Variants in ERBB4 observed in about 807,000 individuals in gnomAD.
ERBB4 encodes the protein erb-b2 receptor tyrosine kinase 4, also known as receptor tyrosine-protein kinase erbB-4.
A neutral mutation model predicts 158.0 loss-of-function variants in ERBB4; 42 were observed. The ratio of observed to expected loss-of-function variants is 0.27; its 90% CI spans 0.21 to 0.34. The LOEUF is 0.34. Ranked by LOEUF, ERBB4 falls within the 10% of genes least tolerant of loss-of-function variation. ERBB4 has a pLI of 1.00. For synonymous variants in ERBB4, 583 were observed against 558.7 expected, an observed-to-expected ratio of 1.04 and a Z score of -0.61; for missense variants, 1,333 against 1,624.1, an observed-to-expected ratio of 0.82 and a Z score of 3.08.
chr2:211,920,292 C>T (rs944539841), intron 3 of ERBB4, among the ~76,000 whole-genome samples: 3 of 151,936 alleles, frequency 2.0e-5, no homozygotes, highest in Admixed American at 6.6e-5. Flanking sequence ...TACAGGATTT[C>T]GCCTTTAATA....
intron 2 of ERBB4, among the ~76,000 whole-genome samples, chr2:212,108,904 T>C (rs748553378): frequency 7.9e-5 from 12 of 152,072 alleles, no homozygotes; most frequent in Non-Finnish European, 1.6e-4. Context: ...TGAGTATCTA[T>C]GGTGGTAGGA....
intron 3 of ERBB4, among the ~76,000 whole-genome samples, chr2:211,835,816 A>T (rs572585163): frequency 1.3e-5 from 2 of 152,200 alleles, no homozygotes; most frequent in African/African-American, 4.8e-5. Context: ...ACAAGCAAAT[A>T]TTGATACAAG....
chr2:212,256,673 A>G (rs1401912828), intron 1 of ERBB4, among the ~76,000 whole-genome samples: 2 of 152,186 alleles, frequency 1.3e-5, no homozygotes, highest in Non-Finnish European at 2.9e-5. Context: ...AAACAAACAC[A>G]GAGGATAAGT....
intron 20 of ERBB4, among the ~76,000 whole-genome samples, chr2:211,515,023 C>T (rs1032780206): frequency 6.6e-6 from 1 of 152,106 alleles, no homozygotes; most frequent in Non-Finnish European, 1.5e-5. Context: ...TGATTACTGG[C>T]TGGTGAGGAG....
At chr2:212,223,087 T>A (rs1254071383) in intron 1 of ERBB4, among the ~76,000 whole-genome samples, 2 of 151,522 alleles carry the variant, frequency 1.3e-5, no homozygotes, top group African/African-American at 4.8e-5. Flanking sequence ...ATTTGGGGCA[T>A]GCATATAAAA....
chr2:211,931,116 C>T (rs774270482), intron 3 of ERBB4, among the ~76,000 whole-genome samples: 8 of 152,204 alleles, frequency 5.3e-5, no homozygotes, highest in African/African-American at 9.6e-5. Context: ...TTGGCTTAAA[C>T]GCAATATTTA....
chr2:212,323,686 GCTT>G (rs2087676738), intron 1 of ERBB4, among the ~76,000 whole-genome samples: 1 of 150,568 alleles, frequency 6.6e-6, no homozygotes, highest in Non-Finnish European at 1.5e-5. Flanking sequence ...GTATAAAAGT[GCTT>G]CAAGAGATTA....
At position 211,376,579 on chromosome 2, in the gene ERBB4, A is replaced by G. The variant is rs2125291291; in HGVS notation, c.*7036T>C. The G allele has an allele frequency of 4.3e-6, 1 of 232,840 alleles. No homozygotes were observed. Among genetic ancestry groups the G allele is most frequent in the East Asian group, 6.1e-5 (1 of 16,480 alleles). The allele number at this position is 232,840 out of a possible 1,614,324, so 14.4% of individuals were successfully genotyped here. On this transcript the variant is annotated 3_prime_UTR_variant, in exon 28 of 28. Coordinates refer to ENST00000342788, the MANE Select transcript of ERBB4 (RefSeq NM_005235.3). ...AGAGAGGGCTTGTTTTCTGCTTACA[A>G]GTTAAGAAAATAAGGAAGTGAGTAC...
chr2:211,463,294 T>C (rs912463989), intron 20 of ERBB4, among the ~76,000 whole-genome samples: 5 of 152,190 alleles, frequency 3.3e-5, no homozygotes, highest in South Asian at 2.1e-4. Flanking sequence ...GGTTTGTTCA[T>C]GTACAAATTG....
intron 25 of ERBB4, among the ~76,000 whole-genome samples, chr2:211,399,715 A>G (rs1330809998): frequency 6.6e-6 from 1 of 152,120 alleles, no homozygotes; most frequent in Non-Finnish European, 1.5e-5. Flanking sequence ...CAGCTATAAA[A>G]CTTCAAGATT....
intron 1 of ERBB4, among the ~76,000 whole-genome samples, chr2:212,435,439 A>G (rs1045045676): frequency 2.0e-5 from 3 of 152,036 alleles, no homozygotes; most frequent in African/African-American, 4.8e-5. Context: ...ATTCTACACA[A>G]TGTGAACACC....
At chr2:212,033,897 T>C (rs906974393) in intron 2 of ERBB4, among the ~76,000 whole-genome samples, 1 of 151,918 alleles carries the variant, frequency 6.6e-6, no homozygotes, top group Non-Finnish European at 1.5e-5. Flanking sequence ...TGAAATAGTA[T>C]AAGGAAAATA....
intron 3 of ERBB4, among the ~76,000 whole-genome samples, chr2:211,919,342 G>T (rs1438919394): frequency 6.6e-6 from 1 of 151,864 alleles, no homozygotes; most frequent in East Asian, 1.9e-4. Flanking sequence ...ATTTTATAAG[G>T]CTTTATACAC....
At chr2:211,664,851 C>G (rs2071567684) in intron 15 of ERBB4, among the ~76,000 whole-genome samples, 1 of 152,020 alleles carries the variant, frequency 6.6e-6, no homozygotes, top group Admixed American at 6.6e-5. Flanking sequence ...CCATTGTTAC[C>G]TTTGTTCATA....
At chr2:211,886,097 A>T (rs1325357593) in intron 3 of ERBB4, among the ~76,000 whole-genome samples, 1 of 152,180 alleles carries the variant, frequency 6.6e-6, no homozygotes, top group South Asian at 2.1e-4. Flanking sequence ...TTTTTAGATG[A>T]TATCTTCTTG....
chr2:211,998,402 G>A (rs967679374), intron 2 of ERBB4, among the ~76,000 whole-genome samples: 1 of 151,148 alleles, frequency 6.6e-6, no homozygotes, highest in Non-Finnish European at 1.5e-5. Flanking sequence ...TATCTTACTT[G>A]GTCCTTATCA....
intron 1 of ERBB4, among the ~76,000 whole-genome samples, chr2:212,527,022 T>C (rs1321177320): frequency 7.2e-5 from 11 of 152,050 alleles, no homozygotes; most frequent in Non-Finnish European, 1.5e-5. Context: ...TAACAAATGA[T>C]TAAAAATCCA....
At position 212,424,702 on chromosome 2, in the gene ERBB4, AT is replaced by A. The variant is rs556802850; in HGVS notation, c.82+113746del. Among the ~76,000 whole-genome samples, 1,333 of 151,650 alleles carry A rather than the reference AT, an allele frequency of 8.8e-3. 27 individuals carry two copies. Among genetic ancestry groups the A allele is most frequent in the African/African-American group, 0.03 (1,250 of 41,388 alleles). ...AAACTAGATTACCCTGGATTAACAA[AT>A]TTTTTTTTGTTTTCTTTTTTTGTTT... On this transcript the variant is annotated intron_variant, in intron 1 of 27. Transcript: ENST00000342788.
intron 2 of ERBB4, among the ~76,000 whole-genome samples, chr2:212,060,178 C>G (rs908262752): frequency 7.2e-5 from 11 of 152,254 alleles, no homozygotes; most frequent in Non-Finnish European, 1.0e-4. Flanking sequence ...CAAAATAAGA[C>G]ATTTATGCAG....
Sources: gnomAD v4.1 joint callset for allele counts (sites outside exome capture counted in the v4.1 genomes callset) on GRCh38, gnomAD v4.1.1 for gene constraint, MANE v1.5 for transcripts, NCBI Gene and HGNC (gene_info 2026-07-23, HGNC 2026-07-21) for gene names.